The following TAFA1 variants were observed in gnomAD, a reference collection of about 807,000 sequenced individuals.
TAFA1 encodes chemokine-like protein TAFA-1.
In TAFA1, 4 loss-of-function variants were observed where a neutral mutation model predicts 18.5. That is an observed-to-expected ratio of 0.22 (90% confidence interval 0.11 to 0.49). The LOEUF (loss-of-function observed/expected upper bound fraction) is 0.49. Ranked by LOEUF, TAFA1 falls within the 20% of genes least tolerant of loss-of-function variation. TAFA1 has a pLI of 0.98. For missense variants in TAFA1, 147 were observed against 169.0 expected, an observed-to-expected ratio of 0.87 and a Z score of 0.72; for synonymous variants, 56 against 55.2, an observed-to-expected ratio of 1.01 and a Z score of -0.06.
chr3:68,272,720 G>C (rs2067699863), intron 2 of TAFA1, among the ~76,000 whole-genome samples: 1 of 152,152 alleles, frequency 6.6e-6, no homozygotes, highest in Non-Finnish European at 1.5e-5. Context: ...AAACATTCCT[G>C]TGGGTTTAGT....
At chr3:68,294,582 A>C (rs760627648) in intron 2 of TAFA1, among the ~76,000 whole-genome samples, 13 of 152,220 alleles carry the variant, frequency 8.5e-5, no homozygotes, top group Non-Finnish European at 1.8e-4. Context: ...CATTTAAATA[A>C]GATTAAAAAT....
chr3:68,127,541 G>A (rs942580337), intron 2 of TAFA1, among the ~76,000 whole-genome samples: 2 of 37,474 alleles, frequency 5.3e-5, no homozygotes, highest in Non-Finnish European at 1.1e-4. Context: ...TGCTGCTGTT[G>A]TGGACAAAGG....
At chr3:68,357,519 C>T (rs2069388204) in intron 2 of TAFA1, among the ~76,000 whole-genome samples, 1 of 151,894 alleles carries the variant, frequency 6.6e-6, no homozygotes, top group African/African-American at 2.4e-5. Flanking sequence ...TAGTTGTGTA[C>T]TTTCAGGCCA....
At chr3:67,993,533 C>T in the TAFA1 span, among the ~76,000 whole-genome samples, 8 of 152,242 alleles carry the variant, frequency 5.3e-5, no homozygotes, top group East Asian at 9.7e-4. Context: ...TATCCAAATT[C>T]GTCTCTGTAA....
rs76866800 is a variant in TAFA1 at position 68,507,012 on chromosome 3, T to G, written c.260-31744T>G. On this transcript the variant is annotated intron_variant, in intron 3 of 4. Transcript: ENST00000478136. Reference sequence around the variant, plus strand: ...GATATTTTAAGTTCTGGGCCATGCATAGCAAATTCATAGCTTTCCTGCTGC... The same window carrying G: ...GATATTTTAAGTTCTGGGCCATGCAGAGCAAATTCATAGCTTTCCTGCTGC... Among the ~76,000 whole-genome samples, 966 of 152,240 alleles carry G rather than the reference T, an allele frequency of 6.3e-3. 12 individuals are homozygous for G. Among genetic ancestry groups the G allele is most frequent in the African/African-American group, 0.022 (894 of 41,566 alleles).
intron 2 of TAFA1, among the ~76,000 whole-genome samples, chr3:68,131,986 C>T (rs1417767850): frequency 1.3e-5 from 2 of 151,970 alleles, no homozygotes; most frequent in African/African-American, 2.4e-5. Flanking sequence ...CTCATCAACC[C>T]GTCATCTACA....
At chr3:68,452,646 A>G (rs1320293490) in intron 3 of TAFA1, among the ~76,000 whole-genome samples, 1 of 152,078 alleles carries the variant, frequency 6.6e-6, no homozygotes, top group Non-Finnish European at 1.5e-5. Context: ...TGAATTCTAT[A>G]CCAAAATGAA....
At chr3:68,237,298 C>G (rs564864661) in intron 2 of TAFA1, among the ~76,000 whole-genome samples, 1 of 152,278 alleles carries the variant, frequency 6.6e-6, no homozygotes, top group South Asian at 2.1e-4. Flanking sequence ...GCACTAGTCA[C>G]ATTTGTGAGG....
chr3:68,118,078 C>T (rs1277475061), intron 2 of TAFA1, among the ~76,000 whole-genome samples: 1 of 152,114 alleles, frequency 6.6e-6, no homozygotes, highest in African/African-American at 2.4e-5. Context: ...AAGCGCATTA[C>T]ATTTATTGTG....
chr3:68,340,269 A>G (rs979806135), intron 2 of TAFA1, among the ~76,000 whole-genome samples: 19 of 152,206 alleles, frequency 1.2e-4, no homozygotes, highest in African/African-American at 4.6e-4. Flanking sequence ...CTTTGAATTT[A>G]AATAGCCAAG....
chr3:68,463,152 T>G (rs2071817328), intron 3 of TAFA1, among the ~76,000 whole-genome samples: 1 of 152,124 alleles, frequency 6.6e-6, no homozygotes, highest in South Asian at 2.1e-4. Context: ...ACATGGATGG[T>G]GGGGGCATAG....
At chr3:68,224,712 C>T (rs1165857317) in intron 2 of TAFA1, among the ~76,000 whole-genome samples, 1 of 151,942 alleles carries the variant, frequency 6.6e-6, no homozygotes, top group Non-Finnish European at 1.5e-5. Flanking sequence ...TCAGTTTCCC[C>T]ATCTTTTAAA....
chr3:68,119,591 G>A (rs745966723), intron 2 of TAFA1, among the ~76,000 whole-genome samples: 14 of 150,504 alleles, frequency 9.3e-5, no homozygotes, highest in South Asian at 2.1e-4. Flanking sequence ...TTCTTTTTGC[G>A]TGTGGATATC....
chr3:68,503,851 C>T (rs1199427211), intron 3 of TAFA1, among the ~76,000 whole-genome samples: 1 of 151,910 alleles, frequency 6.6e-6, no homozygotes, highest in African/African-American at 2.4e-5. Flanking sequence ...TATATTTGAA[C>T]AAAATGCTTA....
intron 2 of TAFA1, among the ~76,000 whole-genome samples, chr3:68,338,893 G>C (rs1315115273): frequency 6.6e-6 from 1 of 152,188 alleles, no homozygotes; most frequent in Non-Finnish European, 1.5e-5. Flanking sequence ...GATTCGTGCT[G>C]TAGATTGGAT....
chr3:68,370,508 A>G (rs2069683097), intron 2 of TAFA1, among the ~76,000 whole-genome samples: 3 of 108,042 alleles, frequency 2.8e-5, no homozygotes, highest in East Asian at 5.3e-4. Context: ...ATATATATAT[A>G]TATATATACC....
intron 2 of TAFA1, among the ~76,000 whole-genome samples, chr3:68,285,725 C>A (rs17043602): frequency 6.6e-6 from 1 of 151,716 alleles, no homozygotes; most frequent in Non-Finnish European, 1.5e-5. Context: ...TGGGTCCTGA[C>A]TTTTTTTTAA....
At chr3:68,512,058 G>T (rs2665551) in intron 3 of TAFA1, among the ~76,000 whole-genome samples, 3 of 151,956 alleles carry the variant, frequency 2.0e-5, no homozygotes, top group African/African-American at 7.2e-5. Flanking sequence ...GGGCACCAAG[G>T]TTTACAGAAG....
At chr3:68,501,919 C>A (rs1453568566) in intron 3 of TAFA1, among the ~76,000 whole-genome samples, 1 of 152,044 alleles carries the variant, frequency 6.6e-6, no homozygotes, top group African/African-American at 2.4e-5. Flanking sequence ...AAGCAGGTGC[C>A]AAGGCCCTCT....
Sources: gnomAD v4.1 joint callset for allele counts (sites outside exome capture counted in the v4.1 genomes callset) on GRCh38, gnomAD v4.1.1 for gene constraint, MANE v1.5 for transcripts, NCBI Gene and HGNC (gene_info 2026-07-23, HGNC 2026-07-21) for gene names.